L3MBTL3: variants seen among roughly 807,000 people sequenced by gnomAD.
The protein encoded by L3MBTL3 is L3MBTL histone methyl-lysine binding protein 3.
A neutral mutation model predicts 102.3 loss-of-function variants in L3MBTL3; 27 were observed. That is an observed-to-expected ratio of 0.26 (90% confidence interval 0.19 to 0.36). L3MBTL3 has a LOEUF of 0.36. Among genes scored for constraint, L3MBTL3 ranks in the 10% least tolerant of loss-of-function variants. L3MBTL3 has a pLI of 1.00. For synonymous variants in L3MBTL3, 340 were observed against 320.9 expected (o/e 1.06, Z -0.64); for missense variants, 798 against 955.3 (o/e 0.84, Z 2.17).
In L3MBTL3 at chr6:130,086,164, AAAAT is replaced by A; in HGVS notation, c.1433_1436del (p.Lys478ArgfsTer6). 1 of 1,613,354 alleles carries A rather than the reference AAAAT, an allele frequency of 6.2e-7. No individual in the cohort carries two copies. The highest frequency in any genetic ancestry group is 8.5e-7 in the Non-Finnish European group (1 of 1,179,712). ...GAAACCTCCTCATGGATTCCAGAAA[AAAAT>A]GAAGCTTGAGGTTGTAGACAAAAGG... On this transcript the variant is annotated frameshift_variant, in exon 16 of 23. Coordinates refer to ENST00000361794, the MANE Select transcript of L3MBTL3 (RefSeq NM_032438.4). LOFTEE classifies it high-confidence loss of function.
chr6:130,052,765 A>AT lies in L3MBTL3; in HGVS notation c.450-85dup, dbSNP rs370420518. On this transcript the variant is annotated intron_variant, in intron 6 of 22. Coordinates refer to ENST00000361794, the MANE Select transcript of L3MBTL3 (RefSeq NM_032438.4). Reference sequence around the variant, plus strand: ...TTAAAGATTTTTCCTTTGCAGGGTGATTTTTTTTTAATGATTGTTGCATTG... The same window carrying AT: ...TTAAAGATTTTTCCTTTGCAGGGTGATTTTTTTTTTAATGATTGTTGCATTG... 6,144 of 1,334,732 alleles carry AT rather than the reference A, an allele frequency of 4.6e-3. 5 individuals carry two copies. Among genetic ancestry groups the AT allele is most frequent in the African/African-American group, 0.015 (1,002 of 67,326 alleles). 82.7% of individuals were successfully genotyped at this position (1,334,732 alleles called of 1,614,324 possible).
intron 7 of L3MBTL3, chr6:130,054,969 A>T: frequency 1.9e-6 from 1 of 518,192 alleles, no homozygotes; most frequent in Non-Finnish European, 3.5e-6. Context: ...AACCGGTAAC[A>T]CGTGGATACA....
intron 19 of L3MBTL3, among the ~76,000 whole-genome samples, chr6:130,119,625 A>T (rs1301822012): frequency 1.3e-5 from 2 of 152,152 alleles, no homozygotes; most frequent in Non-Finnish European, 2.9e-5. Context: ...GGAAAAAAAA[A>T]TAATGATTCT....
Position 130,098,563 on chromosome 6 carries a change from AAAT to A in L3MBTL3, c.1736+4206_1736+4208del, listed in dbSNP as rs1784492964. Among the ~76,000 whole-genome samples, 3 of 152,252 alleles carry A rather than the reference AAAT, an allele frequency of 2.0e-5. No individual in the cohort carries two copies. In the South Asian group the frequency reaches 6.2e-4, roughly 32 times the overall value. Reference sequence around the variant, plus strand: ...GGGGTTAAATGTCACTCTTCTTTTTAAATAATAATAATCGGTGGGATTTATTGA... The same window carrying A: ...GGGGTTAAATGTCACTCTTCTTTTTAAATAATAATCGGTGGGATTTATTGA... On this transcript the variant is annotated intron_variant, in intron 18 of 22. Coordinates refer to ENST00000361794, the MANE Select transcript of L3MBTL3 (RefSeq NM_032438.4).
intron 20 of L3MBTL3, among the ~76,000 whole-genome samples, chr6:130,125,312 C>T (rs1482305216): frequency 2.0e-5 from 3 of 152,172 alleles, no homozygotes; most frequent in African/African-American, 7.2e-5. Context: ...ACAGCAGTGT[C>T]TCTTATTTTC....
intron 18 of L3MBTL3, among the ~76,000 whole-genome samples, chr6:130,098,234 C>T (rs532600270): frequency 4.1e-4 from 63 of 152,280 alleles, no homozygotes; most frequent in African/African-American, 1.4e-3. Context: ...ATTAGTAACT[C>T]TTGGTATGCC....
At chr6:130,041,995 C>G (rs1780450269) in intron 2 of L3MBTL3, among the ~76,000 whole-genome samples, 1 of 152,154 alleles carries the variant, frequency 6.6e-6, no homozygotes, top group African/African-American at 2.4e-5. Context: ...CATACTGATA[C>G]CTCCATTCAG....
intron 2 of L3MBTL3, among the ~76,000 whole-genome samples, chr6:130,039,241 A>G (rs868474675): frequency 3.9e-5 from 6 of 152,064 alleles, no homozygotes; most frequent in Non-Finnish European, 8.8e-5. Flanking sequence ...CATTTCATCT[A>G]TTCCTTTCAA....
At chr6:130,055,989 G>T (rs1043968552) in intron 8 of L3MBTL3, among the ~76,000 whole-genome samples, 4 of 147,986 alleles carry the variant, frequency 2.7e-5, no homozygotes, top group Non-Finnish European at 5.9e-5. Context: ...GTATGGTGGC[G>T]CAATCTCGGC....
At chr6:130,028,369 G>T (rs1416949857) in intron 2 of L3MBTL3, among the ~76,000 whole-genome samples, 1 of 152,170 alleles carries the variant, frequency 6.6e-6, no homozygotes, top group African/African-American at 2.4e-5. Context: ...ATATCAATAA[G>T]ATGGAACCGC....
At chr6:130,068,969 T>G (rs1219274675) in intron 12 of L3MBTL3, among the ~76,000 whole-genome samples, 1 of 152,208 alleles carries the variant, frequency 6.6e-6, no homozygotes, top group Non-Finnish European at 1.5e-5. Context: ...TTTTCCCAAG[T>G]TCTGATCTAA....
intron 20 of L3MBTL3, among the ~76,000 whole-genome samples, chr6:130,125,307 A>T (rs1786520872): frequency 6.6e-6 from 1 of 152,192 alleles, no homozygotes; most frequent in South Asian, 2.1e-4. Flanking sequence ...TTTTAACAGC[A>T]GTGTCTCTTA....
At chr6:130,029,321 G>A (rs971057982) in intron 2 of L3MBTL3, among the ~76,000 whole-genome samples, 7 of 152,128 alleles carry the variant, frequency 4.6e-5, no homozygotes, top group African/African-American at 1.4e-4. Context: ...TTTTCATACT[G>A]GCCTCTTGCT....
chr6:130,084,093 A>G (rs1389029972), intron 15 of L3MBTL3, among the ~76,000 whole-genome samples: 1 of 152,184 alleles, frequency 6.6e-6, no homozygotes, highest in African/African-American at 2.4e-5. Flanking sequence ...TGTTTATGGC[A>G]AGCTGAGATG....
chr6:130,029,456 C>T (rs1366929976), intron 2 of L3MBTL3, among the ~76,000 whole-genome samples: 2 of 152,176 alleles, frequency 1.3e-5, no homozygotes, highest in Admixed American at 6.5e-5. Flanking sequence ...AGTAAGGTTG[C>T]GAATGGCCTA....
At chr6:130,023,285 G>A (rs1427513196) in intron 2 of L3MBTL3, among the ~76,000 whole-genome samples, 6 of 152,150 alleles carry the variant, frequency 3.9e-5, no homozygotes, top group African/African-American at 1.4e-4. Flanking sequence ...GGAGTTTATT[G>A]TCATTTGCTG....
chr6:130,130,771 T>C (rs1192329691), intron 20 of L3MBTL3, among the ~76,000 whole-genome samples: 5 of 152,214 alleles, frequency 3.3e-5, no homozygotes, highest in Non-Finnish European at 7.3e-5. Flanking sequence ...AAATGTTTCA[T>C]GTGGAGCAGA....
chr6:130,139,865 A>G lies in L3MBTL3; in HGVS notation c.*112A>G. ...AGAAGTCTCCAAAACTCAAAAGAGCAACACTATCGGATTATTTATATTACT... is the reference window on the plus strand; with the variant it reads ...AGAAGTCTCCAAAACTCAAAAGAGCGACACTATCGGATTATTTATATTACT... On this transcript the variant is annotated 3_prime_UTR_variant, in exon 23 of 23. Transcript: ENST00000361794. 1.1e-6 allele frequency: 1 copy of G among 905,828 alleles called. No homozygotes were observed. The highest frequency in any genetic ancestry group is 1.5e-5 in the South Asian group (1 of 66,662). 56.1% of individuals were successfully genotyped at this position (905,828 alleles called of 1,614,324 possible).
At chr6:130,052,341 A>G (rs1235481727) in intron 6 of L3MBTL3, among the ~76,000 whole-genome samples, 2 of 151,934 alleles carry the variant, frequency 1.3e-5, no homozygotes, top group South Asian at 2.1e-4. Context: ...TCCTGACCTC[A>G]TGATCCGCCT....
Sources: gnomAD v4.1 joint callset for allele counts (sites outside exome capture counted in the v4.1 genomes callset) on GRCh38, gnomAD v4.1.1 for gene constraint, MANE v1.5 for transcripts, NCBI Gene and HGNC (gene_info 2026-07-23, HGNC 2026-07-21) for gene names.